The following ELF2 variants were observed in gnomAD, a reference collection of about 807,000 sequenced individuals.
ELF2 encodes ETS-related transcription factor Elf-2.
Under a neutral mutation model 54.8 loss-of-function variants are expected in ELF2, and 11 were observed. The observed-to-expected ratio is 0.20, with a 90% CI of 0.13 to 0.33. ELF2 has a LOEUF of 0.33. Among genes scored for constraint, ELF2 ranks in the 10% least tolerant of loss-of-function variants. The pLI is 1.00. For synonymous variants in ELF2, 203 were observed against 245.1 expected (o/e 0.83, Z 1.61); for missense variants, 513 against 703.0 (o/e 0.73, Z 3.06).
chr4:139,151,662 A>G (rs998128057), intron 1 of ELF2, among the ~76,000 whole-genome samples: 3 of 152,218 alleles, frequency 2.0e-5, no homozygotes, highest in Non-Finnish European at 2.9e-5. Context: ...AAAAGTACCT[A>G]ATTTTATATA....
At chr4:139,133,636 CT>C (rs35553898) in intron 3 of ELF2, among the ~76,000 whole-genome samples, 27,328 of 143,108 alleles carry the variant, frequency 0.19, 2,494 homozygotes, top group Middle Eastern at 0.28. Flanking sequence ...TTTTCCCTAC[CT>C]TTTTTTTTTT....
chr4:139,123,182 C>CA (rs762824168), intron 4 of ELF2, among the ~76,000 whole-genome samples: 873 of 67,224 alleles, frequency 0.013, 7 homozygotes, highest in African/African-American at 0.038. Context: ...GACTCTGTCT[C>CA]AAAAAAAAAA....
intron 4 of ELF2, among the ~76,000 whole-genome samples, chr4:139,103,581 T>G (rs1048981470): frequency 2.0e-5 from 3 of 152,252 alleles, no homozygotes; most frequent in African/African-American, 7.2e-5. Flanking sequence ...GCATGGGACC[T>G]CCATGACCCT....
chr4:139,125,160 C>T lies in ELF2; in HGVS notation c.238+4G>A, dbSNP rs753256681. On this transcript the variant is annotated splice_donor_region_variant and intron_variant, in intron 4 of 9. Transcript: ENST00000686138. The stretch of plus-strand genomic sequence containing the variant: ...AAATAATGAACATTTTATGAGATGT[C>T]TACCTGTTTCCACATTCTCGGTCTC... 10 of 1,605,212 alleles carry T rather than the reference C, an allele frequency of 6.2e-6. No individual in the cohort carries two copies. Among genetic ancestry groups the T allele is most frequent in the Non-Finnish European group, 7.6e-6 (9 of 1,177,368 alleles).
intron 1 of ELF2, among the ~76,000 whole-genome samples, chr4:139,157,788 T>C (rs1238271196): frequency 6.6e-6 from 1 of 152,208 alleles, no homozygotes; most frequent in Non-Finnish European, 1.5e-5. Flanking sequence ...ACTAGTCAGG[T>C]TCCCAGGCAT....
At chr4:139,072,537 C>T (rs1258070280) in intron 5 of ELF2, among the ~76,000 whole-genome samples, 4 of 152,062 alleles carry the variant, frequency 2.6e-5, no homozygotes, top group African/African-American at 9.7e-5. Flanking sequence ...AAAAGGAAAA[C>T]TTGCTCATTA....
intron 1 of ELF2, among the ~76,000 whole-genome samples, chr4:139,149,652 A>AT (rs1265280750): frequency 6.6e-6 from 1 of 152,120 alleles, no homozygotes; most frequent in Non-Finnish European, 1.5e-5. Context: ...AAACAGTGTC[A>AT]TTTACCATAA....
chr4:139,084,360 G>A (rs1187065903), intron 4 of ELF2: 12 of 1,483,710 alleles, frequency 8.1e-6, no homozygotes, highest in Non-Finnish European at 1.1e-5. Context: ...CCGACAGGAA[G>A]CCGAGGCCGG....
At chr4:139,142,764 C>T (rs1738832308) in intron 1 of ELF2, among the ~76,000 whole-genome samples, 1 of 151,784 alleles carries the variant, frequency 6.6e-6, no homozygotes, top group African/African-American at 2.4e-5. Context: ...GATGGCACAC[C>T]CCTTTGTCCC....
intron 4 of ELF2, among the ~76,000 whole-genome samples, chr4:139,084,712 T>C (rs1165653929): frequency 2.0e-5 from 3 of 152,214 alleles, no homozygotes; most frequent in Non-Finnish European, 4.4e-5. Flanking sequence ...ATTTTCTTCC[T>C]GGAAGCAATC....
In ELF2 at chr4:139,059,377, G is replaced by A; in HGVS notation, c.1388C>T (p.Pro463Leu). 6.2e-7 allele frequency: 1 copy of A among 1,613,958 alleles called. No individual in the cohort carries two copies. The highest frequency in any genetic ancestry group is 8.5e-7 in the Non-Finnish European group (1 of 1,179,856). The change falls in exon 10 of 10, where the codon CCA becomes CTA. Residue 463 changes from proline to leucine, a missense_variant. This residue lies in a region of ELF2 where 291 missense variants were observed against 366.1 expected (regional missense o/e 0.79). Coordinates refer to ENST00000686138, the MANE Select transcript of ELF2 (RefSeq NM_001331036.3). ...TTGACACTGTGCAAGCTGTGTAGCT[G>A]GGATGGTAATAATTTTGGCAGGCTG... ...TMQPAKIITI[P>L]ATQLAQCQLQ... is the part of the protein sequence containing the mutation.
chr4:139,090,398 T>C (rs1456982564), intron 4 of ELF2, among the ~76,000 whole-genome samples: 2 of 152,232 alleles, frequency 1.3e-5, no homozygotes, highest in Non-Finnish European at 2.9e-5. Flanking sequence ...TGTATTAATA[T>C]GCATGTATTT....
intron 4 of ELF2, among the ~76,000 whole-genome samples, chr4:139,091,240 A>G (rs1315111285): frequency 6.6e-6 from 1 of 152,174 alleles, no homozygotes; most frequent in Non-Finnish European, 1.5e-5. Flanking sequence ...TTCTTATAGT[A>G]TATGTTAAAG....
intron 1 of ELF2, among the ~76,000 whole-genome samples, chr4:139,145,522 GTTC>G (rs975250916): frequency 1.7e-4 from 26 of 152,170 alleles, no homozygotes; most frequent in African/African-American, 4.6e-4. Flanking sequence ...GAAGCAACCT[GTTC>G]TTCTTCATTC....
chr4:139,075,794 G>C (rs573283886), intron 4 of ELF2, among the ~76,000 whole-genome samples: 1 of 152,110 alleles, frequency 6.6e-6, no homozygotes, highest in Non-Finnish European at 1.5e-5. Context: ...AGCAATTCAA[G>C]AACAAATTTT....
At chr4:139,114,471 A>G (rs1735319938) in intron 4 of ELF2, among the ~76,000 whole-genome samples, 1 of 151,574 alleles carries the variant, frequency 6.6e-6, no homozygotes, top group Non-Finnish European at 1.5e-5. Flanking sequence ...CAGGAGGCTG[A>G]GGCAGGAGAA....
At chr4:139,159,158 G>A (rs1291609752) in intron 1 of ELF2, among the ~76,000 whole-genome samples, 1 of 152,170 alleles carries the variant, frequency 6.6e-6, no homozygotes, top group Admixed American at 6.5e-5. Flanking sequence ...AGGCATGTGA[G>A]TAAAGTCAAT....
At position 139,104,508 on chromosome 4, in the gene ELF2, CAAAAAAAAA is replaced by C. The variant is rs34642901; in HGVS notation, c.238+20647_238+20655del. ...TGGAAGACACAGTGAGACTCTGTCTCAAAAAAAAAAAAAAAAAAAGAAAAGAAAAGAAAA... is the reference window on the plus strand; with the variant it reads ...TGGAAGACACAGTGAGACTCTGTCTCAAAAAAAAAAGAAAAGAAAAGAAAA... On this transcript the variant is annotated intron_variant, in intron 4 of 9. Coordinates refer to ENST00000686138, the MANE Select transcript of ELF2 (RefSeq NM_001331036.3). Among the ~76,000 whole-genome samples, 17 of 76,908 alleles carry C rather than the reference CAAAAAAAAA, an allele frequency of 2.2e-4. No individual in the cohort carries two copies. The East Asian group carries it at 3.9e-3, about 18-fold the overall frequency. The allele number at this position is 76,908 out of a possible 152,430, so 50.5% of individuals were successfully genotyped here. A position where few individuals can be genotyped will look rare whatever the true frequency, so the allele number is the denominator to read the frequency against.
intron 4 of ELF2, chr4:139,084,607 G>A: frequency 5.6e-6 from 1 of 178,174 alleles, no homozygotes; most frequent in South Asian, 1.8e-4. Context: ...GGAGCCGCGC[G>A]AGGACACAGC....
Sources: allele counts gnomAD v4.1 joint callset (sites outside exome capture counted in the v4.1 genomes callset), GRCh38; gene constraint gnomAD v4.1.1; regional missense constraint gnomAD v4.1.1; transcripts MANE v1.5; gene names NCBI Gene and HGNC (gene_info 2026-07-23, HGNC 2026-07-21).